Variants in CSMD3 observed in about 807,000 individuals in gnomAD.
CSMD3 encodes CUB and Sushi multiple domains 3.
In CSMD3, 177 loss-of-function variants were observed where a neutral mutation model predicts 435.2. The observed-to-expected ratio is 0.41, with a 90% confidence interval of 0.36 to 0.46. The LOEUF is 0.46. Among genes scored for constraint, CSMD3 ranks in the 20% least tolerant of loss-of-function variants. The pLI is 0.34. For missense variants in CSMD3, 4,265 were observed against 4,504.6 expected (o/e 0.95, Z 1.52); for synonymous variants, 1,656 against 1,520.5 (o/e 1.09, Z -2.07).
At chr8:112,594,289 C>T (rs377046396) in intron 22 of CSMD3, among the ~76,000 whole-genome samples, 6 of 152,172 alleles carry the variant, frequency 3.9e-5, no homozygotes, top group Admixed American at 6.5e-5. Context: ...CACTCCCACT[C>T]GAATATTGCG....
At chr8:112,542,851 A>G (rs1443715131) in intron 27 of CSMD3, among the ~76,000 whole-genome samples, 2 of 152,256 alleles carry the variant, frequency 1.3e-5, no homozygotes, top group Admixed American at 1.3e-4. Flanking sequence ...ACTGTATGGT[A>G]CTGGCACAAA....
At chr8:113,177,818 T>G (rs2131910976) in intron 3 of CSMD3, among the ~76,000 whole-genome samples, 1 of 152,126 alleles carries the variant, frequency 6.6e-6, no homozygotes, top group South Asian at 2.1e-4. Context: ...CTTCTCACAG[T>G]ATTGAGATTA....
chr8:112,996,000 A>G (rs532201657), intron 6 of CSMD3, among the ~76,000 whole-genome samples: 3 of 151,676 alleles, frequency 2.0e-5, no homozygotes, highest in South Asian at 4.1e-4. Context: ...TTTATTTTTT[A>G]TATATTTACT....
chr8:112,540,486 G>A (rs1362824252), intron 27 of CSMD3, among the ~76,000 whole-genome samples: 1 of 152,046 alleles, frequency 6.6e-6, no homozygotes, highest in East Asian at 1.9e-4. Flanking sequence ...GCACGTGCAT[G>A]TTTATTGCAG....
chr8:112,540,917 TATTTAAAATGTAC>T (rs1398164842), intron 27 of CSMD3, among the ~76,000 whole-genome samples: 1 of 152,058 alleles, frequency 6.6e-6, no homozygotes. Flanking sequence ...TAGAAGAGAA[TATTTAAAATGTAC>T]TACACAAAGA....
intron 36 of CSMD3, among the ~76,000 whole-genome samples, chr8:112,388,725 T>C (rs1830167735): frequency 6.6e-6 from 1 of 152,180 alleles, no homozygotes; most frequent in African/African-American, 2.4e-5. Flanking sequence ...CTGCATGTCA[T>C]CATTTATTCA....
At chr8:112,231,778 C>T in intron 68 of CSMD3, 146 bp from the exon 69 acceptor site, 1 of 643,710 alleles carries the variant, frequency 1.6e-6, no homozygotes, top group South Asian at 1.8e-5. Flanking sequence ...AAATATAGCA[C>T]ATTGTGAAAA....
chr8:113,250,612 G>C (rs996725341), intron 3 of CSMD3, among the ~76,000 whole-genome samples: 1 of 152,118 alleles, frequency 6.6e-6, no homozygotes, highest in African/African-American at 2.4e-5. Context: ...TATGGAACAG[G>C]ATGGAAGGAG....
intron 1 of CSMD3, among the ~76,000 whole-genome samples, chr8:113,399,826 T>C (rs908219270): frequency 2.0e-5 from 3 of 151,980 alleles, no homozygotes; most frequent in Non-Finnish European, 4.4e-5. Context: ...TGAATTATAC[T>C]TTAATCTGTT....
chr8:113,140,935 A>C (rs1412124031), intron 4 of CSMD3, among the ~76,000 whole-genome samples: 1 of 151,068 alleles, frequency 6.6e-6, no homozygotes, highest in African/African-American at 2.4e-5. Context: ...AAATCAATAA[A>C]ACAGAAGGAT....
chr8:112,736,752 G>C (rs184142997), intron 13 of CSMD3, among the ~76,000 whole-genome samples: 62 of 151,984 alleles, frequency 4.1e-4, no homozygotes, highest in African/African-American at 1.3e-3. Flanking sequence ...TTCTGGTGTA[G>C]TGCTAGACTG....
At chr8:112,474,695 G>C (rs980166330) in intron 31 of CSMD3, among the ~76,000 whole-genome samples, 1 of 152,078 alleles carries the variant, frequency 6.6e-6, no homozygotes, top group Non-Finnish European at 1.5e-5. Context: ...CTCCAGAAGA[G>C]TTATGACAGT....
At chr8:112,928,158 G>T (rs2082974164) in intron 9 of CSMD3, among the ~76,000 whole-genome samples, 1 of 151,968 alleles carries the variant, frequency 6.6e-6, no homozygotes, top group Admixed American at 6.6e-5. Context: ...CAAAAATAGT[G>T]TAATTCCAAA....
At chr8:112,540,124 C>T (rs1436788398) in intron 27 of CSMD3, among the ~76,000 whole-genome samples, 1 of 151,708 alleles carries the variant, frequency 6.6e-6, no homozygotes. Flanking sequence ...TGAGCAAATG[C>T]TTTGAATAGG....
At chr8:113,076,990 A>G (rs1042725256) in intron 5 of CSMD3, among the ~76,000 whole-genome samples, 2 of 152,182 alleles carry the variant, frequency 1.3e-5, no homozygotes, top group African/African-American at 4.8e-5. Context: ...CAAAAGGAAG[A>G]GAAGTGGCTG....
At chr8:112,350,687 A>T (rs1325662428) in intron 40 of CSMD3, among the ~76,000 whole-genome samples, 4 of 152,072 alleles carry the variant, frequency 2.6e-5, no homozygotes, top group Non-Finnish European at 4.4e-5. Context: ...TAAAGCAAAA[A>T]TGTGCACCTG....
chr8:112,634,573 T>C (rs1229553762), intron 22 of CSMD3, among the ~76,000 whole-genome samples: 1 of 151,984 alleles, frequency 6.6e-6, no homozygotes, highest in Non-Finnish European at 1.5e-5. Flanking sequence ...CACAGGGTAA[T>C]TTTCTTTCAT....
chr8:112,798,288 G>A (rs909697068), intron 13 of CSMD3, among the ~76,000 whole-genome samples: 1 of 151,818 alleles, frequency 6.6e-6, no homozygotes, highest in East Asian at 1.9e-4. Context: ...TAGAGTTTAT[G>A]GAAAAAGAAA....
intron 4 of CSMD3, among the ~76,000 whole-genome samples, chr8:113,163,474 A>G (rs2092085232): frequency 6.6e-6 from 1 of 151,716 alleles, no homozygotes; most frequent in African/African-American, 2.4e-5. Flanking sequence ...ATTAGTGCTA[A>G]GTATAAATTT....
Sources: allele counts gnomAD v4.1 joint callset (sites outside exome capture counted in the v4.1 genomes callset), GRCh38; gene constraint gnomAD v4.1.1; transcripts MANE v1.5; gene names NCBI Gene and HGNC (gene_info 2026-07-23, HGNC 2026-07-21).